CAMKK2: variants seen among roughly 807,000 people sequenced by gnomAD.
CAMKK2 encodes the protein calcium/calmodulin-dependent protein kinase kinase 2.
CAMKK2 carries 30 observed loss-of-function variants against 67.2 expected under a neutral mutation model. The ratio of observed to expected loss-of-function variants is 0.45; its 90% CI spans 0.33 to 0.61. CAMKK2 has a LOEUF of 0.61. Ranked by LOEUF, CAMKK2 falls within the 20% of genes least tolerant of loss-of-function variation. The pLI, the probability that CAMKK2 is intolerant of heterozygous loss-of-function variation, is 0.02. For missense variants in CAMKK2, 643 were observed against 802.0 expected (o/e 0.80, Z 2.39); for synonymous variants, 322 against 326.2 (o/e 0.99, Z 0.14).
Position 121,253,216 on chromosome 12 carries a change from A to T in CAMKK2, c.1107+57T>A. ...TGTGCGTTGGGTTTCTGCTGCTTAC[A>T]ATCCAGAAGACACTAACACAGGCAG... is the stretch of plus-strand genomic sequence containing the variant. On this transcript the variant is annotated intron_variant, in intron 10 of 16. Coordinates refer to ENST00000404169, the MANE Select transcript of CAMKK2 (RefSeq NM_001270485.2). This position sits in a 1 kb window ranked among gnomAD's most constrained non-coding sequence, Gnocchi z 5.0. 6.7e-7 allele frequency: 1 copy of T among 1,497,174 alleles called. No individual in the cohort carries two copies. Among genetic ancestry groups the T allele is most frequent in the Non-Finnish European group, 9.3e-7 (1 of 1,076,532 alleles). The allele number at this position is 1,497,174 out of a possible 1,614,324, so 92.7% of individuals were successfully genotyped here. A position where few individuals can be genotyped will look rare whatever the true frequency, so the allele number is the denominator to read the frequency against.
intron 1 of CAMKK2, among the ~76,000 whole-genome samples, chr12:121,278,937 C>T (rs927769521): frequency 6.6e-6 from 1 of 152,236 alleles, no homozygotes; most frequent in Admixed American, 6.5e-5. Context: ...CTGCGTCCCC[C>T]AGGGCAGGCA....
At chr12:121,280,822 AC>A (rs1180185936) in intron 1 of CAMKK2, among the ~76,000 whole-genome samples, 1 of 152,058 alleles carries the variant, frequency 6.6e-6, no homozygotes, top group Non-Finnish European at 1.5e-5. Flanking sequence ...TGATCTCAAA[AC>A]CCTGTCTCCT....
Position 121,274,111 on chromosome 12 carries a change from C to T in CAMKK2, c.416G>A (p.Arg139Gln), listed in dbSNP as rs1203974346. ...CTCCACTGTCGGCCGCCGGGGCAGC[C>T]GAGGCGAGGACTGCGGGGAGCTGAC... Reference protein sequence around the residue: ...SPVSSPQSSPRLPRRPTVESH... With the variant: ...SPVSSPQSSPQLPRRPTVESH... The change falls in exon 2 of 17, where the codon CGG becomes CAG. Residue 139 changes from arginine (R) to glutamine (Q), a missense_variant. Physicochemically the swap from Arg to Gln is conservative, Grantham distance 43 (BLOSUM62 1). Around this residue, in one of 3 missense-constraint regions of CAMKK2, gnomAD observed 483 missense variants for 625.8 expected, o/e 0.77. Transcript: ENST00000404169. The T allele has an allele frequency of 1.3e-6, 2 of 1,547,508 alleles. No homozygotes were observed. Among genetic ancestry groups the T allele is most frequent in the East Asian group, 2.3e-5 (1 of 43,824 alleles).
chr12:121,271,286 A>G (rs73224232), intron 2 of CAMKK2, among the ~76,000 whole-genome samples: 51 of 151,756 alleles, frequency 3.4e-4, no homozygotes, highest in Non-Finnish European at 6.5e-4. Context: ...AAAAAAAAAA[A>G]AAAAAGTTTG....
chr12:121,294,529 C>G (rs1423224982), intron 1 of CAMKK2, among the ~76,000 whole-genome samples: 1 of 152,198 alleles, frequency 6.6e-6, no homozygotes, highest in Non-Finnish European at 1.5e-5. Flanking sequence ...AGTGAATAAA[C>G]AAAACAAAAC....
chr12:121,262,526 G>A (rs986110523), intron 6 of CAMKK2, among the ~76,000 whole-genome samples: 4 of 150,680 alleles, frequency 2.7e-5, no homozygotes, highest in African/African-American at 7.3e-5. Context: ...AAAAAAAAAT[G>A]TATTACTCAT....
At chr12:121,281,361 G>C (rs1289442092) in intron 1 of CAMKK2, among the ~76,000 whole-genome samples, 1 of 152,178 alleles carries the variant, frequency 6.6e-6, no homozygotes, top group African/African-American at 2.4e-5. Flanking sequence ...CTCATCCCGG[G>C]CACAACAAAA....
In CAMKK2 at chr12:121,240,770, A is replaced by G; in HGVS notation, c.1696T>C (p.Trp566Arg). 1.2e-6 allele frequency: 2 copies of G among 1,609,096 alleles called. No homozygotes were observed. Among genetic ancestry groups the G allele is most frequent in the Non-Finnish European group, 1.7e-6 (2 of 1,178,880 alleles). Residue 566 changes from tryptophan to arginine, a missense_variant, in exon 17 of 17, where the codon TGG becomes CGG. Around this residue, in one of 3 missense-constraint regions of CAMKK2, gnomAD observed 140 missense variants for 124.2 expected, o/e 1.13. Transcript: ENST00000404169. This position sits in a 1 kb window ranked among gnomAD's most constrained non-coding sequence, Gnocchi z 4.4. ...GCGGGGGAGCCGGGGGCGGGGGCCC[A>G]GCAACTTTCCACGCAGGGACTGCCT... is the stretch of plus-strand genomic sequence containing the variant. ...VRGSPCVESC[W>R]APAPGSPARM...
At chr12:121,249,684 C>G in intron 13 of CAMKK2, 103 bp downstream of exon 13, 1 of 954,740 alleles carries the variant, frequency 1.0e-6, no homozygotes, top group South Asian at 1.3e-5. Flanking sequence ...AACAGCGGTG[C>G]CAAGGAGGGT....
chr12:121,284,841 G>C (rs759936915), intron 1 of CAMKK2, among the ~76,000 whole-genome samples: 7 of 152,218 alleles, frequency 4.6e-5, no homozygotes, highest in Non-Finnish European at 1.0e-4. Flanking sequence ...AAATGCACAG[G>C]ATTTGGGCAC....
At position 121,240,715 on chromosome 12, in the gene CAMKK2, G is replaced by T; in HGVS notation, c.1751C>A (p.Ala584Asp). Reference protein sequence around the residue: ...ARMHPLRPEEAMEPE With the variant: ...ARMHPLRPEEDMEPE ...TCCAGGCAGCTACTCGGGCTCCATGGCCTCCTCCGGCCGCAGTGGATGCAT... is the reference window on the plus strand; with the variant it reads ...TCCAGGCAGCTACTCGGGCTCCATGTCCTCCTCCGGCCGCAGTGGATGCAT... The change falls in exon 17 of 17, where the codon GCC becomes GAC. Residue 584 changes from alanine (A) to aspartate (D), a missense_variant. Around this residue, in one of 3 missense-constraint regions of CAMKK2, gnomAD observed 140 missense variants for 124.2 expected, o/e 1.13. Coordinates refer to ENST00000404169, the MANE Select transcript of CAMKK2 (RefSeq NM_001270485.2). This position sits in a 1 kb window ranked among gnomAD's most constrained non-coding sequence, Gnocchi z 4.4. The T allele has an allele frequency of 6.2e-7, 1 of 1,604,002 alleles. No homozygotes were observed.
intron 16 of CAMKK2, among the ~76,000 whole-genome samples, chr12:121,242,662 A>C (rs1254986832): frequency 6.6e-6 from 1 of 152,220 alleles, no homozygotes; most frequent in Non-Finnish European, 1.5e-5. Flanking sequence ...CAAAAGCATA[A>C]ATAATTCCCA....
At chr12:121,243,969 T>G in intron 16 of CAMKK2, 1 of 1,480,328 alleles carries the variant, frequency 6.8e-7, no homozygotes, top group Non-Finnish European at 9.0e-7. Flanking sequence ...CCCAGTCTCA[T>G]AAGGACACAA....
In CAMKK2 at chr12:121,240,216, G is replaced by A. The variant is rs1440562638; in HGVS notation, c.*483C>T. ...CTGACTCCTTGAGACCACGGCTCTG[G>A]AAGGTGCCATGGTTTCCGGTTTGCA... On this transcript the variant is annotated 3_prime_UTR_variant, in exon 17 of 17. Coordinates refer to ENST00000404169, the MANE Select transcript of CAMKK2 (RefSeq NM_001270485.2). This position sits in a 1 kb window ranked among gnomAD's most constrained non-coding sequence, Gnocchi z 4.4. 1.7e-6 allele frequency: 1 copy of A among 586,154 alleles called. No homozygotes were observed. Among genetic ancestry groups the A allele is most frequent in the Admixed American group, 3.2e-5 (1 of 31,220 alleles). 36.3% of individuals were successfully genotyped at this position (586,154 alleles called of 1,614,324 possible).
At chr12:121,254,909 T>G (rs1157585968) in intron 9 of CAMKK2, among the ~76,000 whole-genome samples, 1 of 151,982 alleles carries the variant, frequency 6.6e-6, no homozygotes, top group Admixed American at 6.6e-5. Context: ...GTGTGGGTGT[T>G]GCCAAAGGAG....
Position 121,263,482 on chromosome 12 carries a change from C to T in CAMKK2, c.759+324G>A, listed in dbSNP as rs556856630. ...TACATCATGTGTGTGGCTGCTTTTG[C>T]GCTATGACTACCCATATGTGTAAGT... On this transcript the variant is annotated intron_variant, in intron 6 of 16. Transcript: ENST00000404169. Among the ~76,000 whole-genome samples, 229 of 152,224 alleles carry T rather than the reference C, an allele frequency of 1.5e-3. 3 individuals carry two copies. Among genetic ancestry groups the T allele is most frequent in the African/African-American group, 5.4e-3 (223 of 41,512 alleles).
rs200665276 is a variant in CAMKK2 at position 121,253,269 on chromosome 12, T to C, written c.1107+4A>G. 7 of 1,613,938 alleles carry C rather than the reference T, an allele frequency of 4.3e-6. No individual in the cohort carries two copies. The highest frequency in any genetic ancestry group is 5.9e-6 in the Non-Finnish European group (7 of 1,179,810). On this transcript the variant is annotated splice_donor_region_variant and intron_variant, in intron 10 of 16. Transcript: ENST00000404169. The surrounding 1 kb of genome is among the most constrained non-coding windows in gnomAD (Gnocchi z 5.0). Reference sequence around the variant, plus strand: ...CTCTGTGGCTGAGGCAGGCCCAAGCTTACCTTCCCAGAGAAGATCTTGCGG... The same window carrying C: ...CTCTGTGGCTGAGGCAGGCCCAAGCCTACCTTCCCAGAGAAGATCTTGCGG...
At position 121,240,377 on chromosome 12, in the gene CAMKK2, GTTCTGAAAATCACAATGAAGGATT is replaced by G; in HGVS notation, c.*298_*321del. On this transcript the variant is annotated 3_prime_UTR_variant, in exon 17 of 17. Transcript: ENST00000404169. This position sits in a 1 kb window ranked among gnomAD's most constrained non-coding sequence, Gnocchi z 4.4. ...ACAGTCACTTGGTATATCTGACGTG[GTTCTGAAAATCACAATGAAGGATT>G]TTTGGCATAAAAACGTTTTAAAAAG... The G allele has an allele frequency of 2.1e-6, 3 of 1,438,138 alleles. No individual in the cohort carries two copies. The South Asian group carries it at 3.8e-5, about 18-fold the overall frequency. The allele number at this position is 1,438,138 out of a possible 1,614,324, so 89.1% of individuals were successfully genotyped here. A position where few individuals can be genotyped will look rare whatever the true frequency, so the allele number is the denominator to read the frequency against.
intron 4 of CAMKK2, 48 bp downstream of exon 4, chr12:121,269,480 T>TC (rs1445012615): frequency 1.4e-6 from 2 of 1,427,146 alleles, no homozygotes; most frequent in Non-Finnish European, 2.0e-6. Flanking sequence ...GAAAGGAGGC[T>TC]CTTCTGTGGA....
Sources: allele counts gnomAD v4.1 joint callset (sites outside exome capture counted in the v4.1 genomes callset), GRCh38; gene constraint gnomAD v4.1.1; regional missense constraint gnomAD v4.1.1; non-coding constraint Gnocchi (gnomAD v3.1); transcripts MANE v1.5; gene names NCBI Gene and HGNC (gene_info 2026-07-23, HGNC 2026-07-21).